The following SLC41A2 variants were observed in gnomAD, a reference collection of about 807,000 sequenced individuals.
SLC41A2 encodes the protein solute carrier family 41 member 2, also known as SLC41A1-like 1.
In SLC41A2, 32 loss-of-function variants were observed where a neutral mutation model predicts 58.3. That is an observed-to-expected ratio of 0.55 (90% confidence interval 0.41 to 0.74). The LOEUF (loss-of-function observed/expected upper bound fraction) is 0.74. SLC41A2 is among the 30% of genes least tolerant of loss of function. SLC41A2 has a pLI of 0.00. For synonymous variants in SLC41A2, 190 were observed against 235.0 expected, an observed-to-expected ratio of 0.81 and a Z score of 1.75; for missense variants, 514 against 680.6, an observed-to-expected ratio of 0.76 and a Z score of 2.72.
chr12:104,916,834 T>C (rs1393467289), intron 2 of SLC41A2, among the ~76,000 whole-genome samples: 1 of 152,034 alleles, frequency 6.6e-6, no homozygotes, highest in Non-Finnish European at 1.5e-5. Flanking sequence ...CAAGATGGAT[T>C]AAAGACTTAA....
intron 1 of SLC41A2, among the ~76,000 whole-genome samples, chr12:104,940,460 C>A (rs1249008239): frequency 2.7e-5 from 4 of 150,568 alleles, no homozygotes; most frequent in Non-Finnish European, 5.9e-5. Flanking sequence ...AACTAACCTG[C>A]ACGTTGTGCA....
intron 1 of SLC41A2, among the ~76,000 whole-genome samples, chr12:104,939,208 A>C (rs544414861): frequency 1.3e-3 from 194 of 152,280 alleles, no homozygotes; most frequent in African/African-American, 4.4e-3. Context: ...AACTTTACTT[A>C]CAAAAATAAA....
At chr12:104,854,244 A>C (rs1381154915) in intron 8 of SLC41A2, among the ~76,000 whole-genome samples, 5 of 152,024 alleles carry the variant, frequency 3.3e-5, no homozygotes, top group Admixed American at 2.0e-4. Context: ...GCTCCTTCAA[A>C]AGGTGATGAT....
rs2045993562 is a variant in SLC41A2, at chr12:104,909,693, TC to T, written c.624del (p.Asn209ThrfsTer4). The T allele has an allele frequency of 6.2e-7, 1 of 1,612,274 alleles. No homozygotes were observed. Among genetic ancestry groups the T allele is most frequent in the Non-Finnish European group, 8.5e-7 (1 of 1,179,390 alleles). Reference sequence around the variant, plus strand: ...CTGGATGCCAATGTCATTTCCAAGTTCCCTTTGAGACCAAGAAGTGCAGGGA... The same window carrying T: ...CTGGATGCCAATGTCATTTCCAAGTTCCTTTGAGACCAAGAAGTGCAGGGA... Reference protein sequence around the residue: ...ILVPALLGLKGNLEMTLASRL... With the variant: ...ILVPALLGLKXNLEMTLASRL... On this transcript the variant is annotated frameshift_variant, in exon 3 of 11. Transcript: ENST00000258538. LOFTEE classifies it high-confidence loss of function.
In SLC41A2 at chr12:104,918,000, A is replaced by AAT. The variant is rs1039026508; in HGVS notation, c.556-8240_556-8239dup. ...TAAAATAAAATAAATATATATATAA[A>AAT]ATATATATATATAAAAAGAAAATAA... is the stretch of plus-strand genomic sequence containing the variant. On this transcript the variant is annotated intron_variant, in intron 2 of 10. Transcript: ENST00000258538. Among the ~76,000 whole-genome samples the AAT allele has an allele frequency of 3.0e-3, 444 of 147,808 alleles. 3 individuals are homozygous for AAT. Among genetic ancestry groups the AAT allele is most frequent in the African/African-American group, 9.9e-3 (406 of 40,816 alleles).
At chr12:104,945,867 A>G (rs183748948) in intron 1 of SLC41A2, among the ~76,000 whole-genome samples, 41 of 152,340 alleles carry the variant, frequency 2.7e-4, no homozygotes, top group African/African-American at 9.6e-4. Context: ...TTGTGAATAA[A>G]TAACTACAAA....
chr12:104,935,052 G>A (rs1282714703), intron 1 of SLC41A2, among the ~76,000 whole-genome samples: 1 of 152,160 alleles, frequency 6.6e-6, no homozygotes, highest in Non-Finnish European at 1.5e-5. Flanking sequence ...CCGCCTCCCA[G>A]GTTCAAGCAA....
chr12:104,881,636 T>G (rs2044375350), intron 6 of SLC41A2, among the ~76,000 whole-genome samples: 1 of 152,172 alleles, frequency 6.6e-6, no homozygotes, highest in Non-Finnish European at 1.5e-5. Context: ...TTTGAGTGAG[T>G]TTCTTAATCC....
At chr12:104,944,041 T>A (rs1451049761) in intron 1 of SLC41A2, among the ~76,000 whole-genome samples, 3 of 151,440 alleles carry the variant, frequency 2.0e-5, no homozygotes, top group African/African-American at 7.3e-5. Flanking sequence ...ATCTTGCAAC[T>A]ACAAAAAAAA....
chr12:104,909,319 A>G (rs2135778337), intron 3 of SLC41A2, among the ~76,000 whole-genome samples: 1 of 152,298 alleles, frequency 6.6e-6, no homozygotes, highest in East Asian at 1.9e-4. Context: ...AGAATGTATT[A>G]CTTCTACAAT....
chr12:104,921,673 A>G (rs2046603891), intron 2 of SLC41A2, among the ~76,000 whole-genome samples: 1 of 152,212 alleles, frequency 6.6e-6, no homozygotes, highest in South Asian at 2.1e-4. Context: ...ACAGTTGAAG[A>G]TAAAAAATCC....
chr12:104,816,911 G>A (rs2041429314), intron 10 of SLC41A2, among the ~76,000 whole-genome samples: 1 of 152,170 alleles, frequency 6.6e-6, no homozygotes, highest in African/African-American at 2.4e-5. Flanking sequence ...ATAAAATGGT[G>A]TAGTATTTGT....
At chr12:104,879,483 G>C (rs2044247162) in intron 6 of SLC41A2, among the ~76,000 whole-genome samples, 1 of 152,160 alleles carries the variant, frequency 6.6e-6, no homozygotes, top group Non-Finnish European at 1.5e-5. Context: ...TAAGGTGTAA[G>C]GAAGGGATCC....
chr12:104,857,687 G>A (rs1266722016), intron 8 of SLC41A2, among the ~76,000 whole-genome samples: 1 of 152,030 alleles, frequency 6.6e-6, no homozygotes, highest in Non-Finnish European at 1.5e-5. Flanking sequence ...AAAAAAGGAT[G>A]AGTTCATGTC....
intron 1 of SLC41A2, among the ~76,000 whole-genome samples, chr12:104,950,921 C>T (rs1172634374): frequency 1.3e-5 from 2 of 152,028 alleles, no homozygotes; most frequent in Admixed American, 1.3e-4. Context: ...CTGGGTATGC[C>T]TAGATTGAGG....
chr12:104,923,221 G>A (rs1201729228), intron 2 of SLC41A2, among the ~76,000 whole-genome samples: 3 of 147,342 alleles, frequency 2.0e-5, no homozygotes, highest in Non-Finnish European at 1.5e-5. Context: ...AATTAGCCAG[G>A]CGGGGTGGCG....
intron 1 of SLC41A2, among the ~76,000 whole-genome samples, chr12:104,934,822 T>G (rs554599210): frequency 4.9e-4 from 74 of 152,258 alleles, no homozygotes; most frequent in African/African-American, 1.2e-3. Flanking sequence ...TCTGAAAAAG[T>G]TGATCTCTTA....
chr12:104,935,071 C>A (rs1338782077), intron 1 of SLC41A2, among the ~76,000 whole-genome samples: 1 of 152,190 alleles, frequency 6.6e-6, no homozygotes, highest in Non-Finnish European at 1.5e-5. Flanking sequence ...AATTCTCCTG[C>A]CTCAGCTTCC....
intron 6 of SLC41A2, among the ~76,000 whole-genome samples, chr12:104,872,523 C>G (rs979676967): frequency 1.3e-5 from 2 of 152,174 alleles, no homozygotes; most frequent in African/African-American, 4.8e-5. Context: ...CACTTGAGAT[C>G]AGGAGTTCAA....
Sources: allele counts gnomAD v4.1 joint callset (sites outside exome capture counted in the v4.1 genomes callset), GRCh38; gene constraint gnomAD v4.1.1; transcripts MANE v1.5; gene names NCBI Gene and HGNC (gene_info 2026-07-23, HGNC 2026-07-21).